The following LRRC19 variants were observed in gnomAD, a reference collection of about 807,000 sequenced individuals.
The protein encoded by LRRC19 is leucine-rich repeat-containing protein 19.
Under a neutral mutation model 33.3 loss-of-function variants are expected in LRRC19, and 33 were observed. That is an observed-to-expected ratio of 0.99 (90% CI 0.75 to 1.33). The LOEUF (loss-of-function observed/expected upper bound fraction) is 1.33. Ranked by LOEUF, LRRC19 falls within the 40% of genes most tolerant of loss-of-function variation. The pLI is 0.00. For synonymous variants in LRRC19, 184 were observed against 152.3 expected, an observed-to-expected ratio of 1.21 and a Z score of -1.53; for missense variants, 463 against 417.3, an observed-to-expected ratio of 1.11 and a Z score of -0.95.
intron 3 of LRRC19, among the ~76,000 whole-genome samples, chr9:26,996,720 A>G (rs182213680): frequency 1.2e-3 from 176 of 152,256 alleles, no homozygotes; most frequent in African/African-American, 3.9e-3. Flanking sequence ...TATTTAGTTT[A>G]TCTGTATTAG....
rs1461810423 is a variant in LRRC19, at chr9:26,993,921, T to C, written c.*1600A>G. The C allele has an allele frequency of 6.6e-6, 1 of 152,248 alleles. No homozygotes were observed. Among genetic ancestry groups the C allele is most frequent in the Admixed American group, 6.5e-5 (1 of 15,284 alleles). 9.4% of individuals were successfully genotyped at this position (152,248 alleles called of 1,614,324 possible). On this transcript the variant is annotated 3_prime_UTR_variant, in exon 5 of 5. Coordinates refer to ENST00000380055, the MANE Select transcript of LRRC19 (RefSeq NM_022901.3). ...ATTTGTAAAAGATGTAAATTCTTAA[T>C]TTCTCTGCATATGAAGGTAAAAATT...
In LRRC19 at chr9:26,996,637, G is replaced by A. The variant is rs1161132982; in HGVS notation, c.596-138C>T. Reference sequence around the variant, plus strand: ...AAGAAATTCCTGTTGTATTTGTCTAGCAACATAATGAAAGAATGATGCACA... The same window carrying A: ...AAGAAATTCCTGTTGTATTTGTCTAACAACATAATGAAAGAATGATGCACA... On this transcript the variant is annotated intron_variant, in intron 3 of 4. Transcript: ENST00000380055. 14 of 495,606 alleles carry A rather than the reference G, an allele frequency of 2.8e-5. No individual in the cohort carries two copies. In the Admixed American group the frequency reaches 5.3e-4, roughly 19 times the overall value. The allele number at this position is 495,606 out of a possible 1,614,324, so 30.7% of individuals were successfully genotyped here.
rs989566977 is a variant in LRRC19, at chr9:26,995,483, C to A, written c.*38G>T. On this transcript the variant is annotated 3_prime_UTR_variant, in exon 5 of 5. Coordinates refer to ENST00000380055, the MANE Select transcript of LRRC19 (RefSeq NM_022901.3). ...AATCTCCATATCTAAACTGAGTGAG[C>A]TGATAACTTTGCTTTAAAAAGCAAA... The A allele has an allele frequency of 8.3e-7, 1 of 1,203,536 alleles. No homozygotes were observed. Among genetic ancestry groups the A allele is most frequent in the Non-Finnish European group, 1.2e-6 (1 of 862,548 alleles). The allele number at this position is 1,203,536 out of a possible 1,614,324, so 74.6% of individuals were successfully genotyped here. A position where few individuals can be genotyped will look rare whatever the true frequency, so the allele number is the denominator to read the frequency against.
At chr9:26,997,030 G>A (rs1406159958) in intron 3 of LRRC19, among the ~76,000 whole-genome samples, 8 of 151,960 alleles carry the variant, frequency 5.3e-5, no homozygotes, top group African/African-American at 1.9e-4. Context: ...GACAAACATG[G>A]AGGAAGCCCA....
chr9:26,999,572 A>G, intron 2 of LRRC19, 42 bp downstream of exon 2: 1 of 1,404,004 alleles, frequency 7.1e-7, no homozygotes, highest in South Asian at 1.2e-5. Flanking sequence ...CAGAAAATGT[A>G]CCTTTGAAAA....
intron 4 of LRRC19, 80 bp from the exon 5 acceptor site, chr9:26,995,929 C>T (rs41272239): frequency 0.056 from 54,262 of 965,084 alleles, 1,844 homozygotes; most frequent in Middle Eastern, 0.13. Flanking sequence ...TATCCTAATT[C>T]TCCTCAATAT....
Position 26,994,571 on chromosome 9 carries a change from T to TTTCACC in LRRC19, c.*944_*949dup, listed in dbSNP as rs1828048310. 6.6e-6 allele frequency: 1 copy of TTTCACC among 152,326 alleles called. No homozygotes were observed. Among genetic ancestry groups the TTTCACC allele is most frequent in the African/African-American group, 2.4e-5 (1 of 41,384 alleles). 9.4% of individuals were successfully genotyped at this position (152,326 alleles called of 1,614,324 possible). On this transcript the variant is annotated 3_prime_UTR_variant, in exon 5 of 5. Coordinates refer to ENST00000380055, the MANE Select transcript of LRRC19 (RefSeq NM_022901.3). ...AAAAAAAAAAAGAAAAAGAATCTTG[T>TTTCACC]TTCACCTTGTTTAAACTACTAGTTT...
At chr9:27,000,610 C>T (rs1034556009) in intron 1 of LRRC19, among the ~76,000 whole-genome samples, 15 of 152,068 alleles carry the variant, frequency 9.9e-5, no homozygotes, top group African/African-American at 2.4e-4. Context: ...ATATCCAACA[C>T]GTTAAATATT....
rs1267455421 is a variant in LRRC19 at position 26,994,294 on chromosome 9, T to C, written c.*1227A>G. ...TGCTCCATGCCTGTAATCCCAGCAC[T>C]TTGGGAGGCCGAGGCGGGTAGATCA... On this transcript the variant is annotated 3_prime_UTR_variant, in exon 5 of 5. Coordinates refer to ENST00000380055, the MANE Select transcript of LRRC19 (RefSeq NM_022901.3). The C allele has an allele frequency of 6.6e-6, 1 of 152,060 alleles. No homozygotes were observed. The highest frequency in any genetic ancestry group is 2.4e-5 in the African/African-American group (1 of 41,406). 9.4% of individuals were successfully genotyped at this position (152,060 alleles called of 1,614,324 possible).
At chr9:26,999,482 C>T (rs1330594221) in intron 2 of LRRC19, 132 bp downstream of exon 2, 9 of 578,432 alleles carry the variant, frequency 1.6e-5, no homozygotes, top group African/African-American at 3.9e-5. Context: ...TTTGGATATA[C>T]AGAGCTAAAT....
chr9:27,003,052 G>A (rs183140494), intron 1 of LRRC19, among the ~76,000 whole-genome samples: 29 of 152,070 alleles, frequency 1.9e-4, no homozygotes, highest in African/African-American at 6.5e-4. Context: ...TGTAGCTATC[G>A]TAAACAGGCT....
chr9:27,001,274 C>A (rs928832783), intron 1 of LRRC19, among the ~76,000 whole-genome samples: 1 of 152,070 alleles, frequency 6.6e-6, no homozygotes, highest in South Asian at 2.1e-4. Context: ...CATGGGAGTG[C>A]AGCTATCTCT....
chr9:26,998,005 T>G lies in LRRC19; in HGVS notation c.318A>C (p.Arg106Ser). The G allele has an allele frequency of 6.2e-7, 1 of 1,613,980 alleles. No individual in the cohort carries two copies. Among genetic ancestry groups the G allele is most frequent in the Non-Finnish European group, 8.5e-7 (1 of 1,179,938 alleles). Residue 106 changes from arginine (R) to serine (S), a missense_variant, in exon 3 of 5, where the codon AGA becomes AGC. Physicochemically the swap from Arg to Ser is moderately radical, Grantham distance 110 (BLOSUM62 -1). Transcript: ENST00000380055. Reference protein sequence around the residue: ...LSSLEILNICRNSIYVIQQGA... With the variant: ...LSSLEILNICSNSIYVIQQGA... ...CCTGTTGAATTACATAGATGGAGTTTCTACAGATATTTAAAATTTCTAGAC... is the reference window on the plus strand; with the variant it reads ...CCTGTTGAATTACATAGATGGAGTTGCTACAGATATTTAAAATTTCTAGAC...
At chr9:26,999,803 G>A (rs1339796719) in intron 1 of LRRC19, 100 bp from the exon 2 acceptor site, 4 of 678,314 alleles carry the variant, frequency 5.9e-6, no homozygotes, top group East Asian at 3.0e-5. Flanking sequence ...GCTGAGACAG[G>A]GTCTCACTCT....
At position 26,994,524 on chromosome 9, in the gene LRRC19, G is replaced by A. The variant is rs1189857709; in HGVS notation, c.*997C>T. ...TGCAGTCCAGCCTGGGAGACAGTGC[G>A]AGACTTTGTCTCAAAAAAAAAAAAA... On this transcript the variant is annotated 3_prime_UTR_variant, in exon 5 of 5. Coordinates refer to ENST00000380055, the MANE Select transcript of LRRC19 (RefSeq NM_022901.3). 5 of 141,338 alleles carry A rather than the reference G, an allele frequency of 3.5e-5. No homozygotes were observed. Among genetic ancestry groups the A allele is most frequent in the African/African-American group, 8.0e-5 (3 of 37,696 alleles). The allele number at this position is 141,338 out of a possible 1,614,324, so 8.8% of individuals were successfully genotyped here. A position where few individuals can be genotyped will look rare whatever the true frequency, so the allele number is the denominator to read the frequency against.
In LRRC19 at chr9:26,998,116, T is replaced by G; in HGVS notation, c.207A>C (p.Leu69=). The G allele has an allele frequency of 6.2e-7, 1 of 1,613,090 alleles. No individual in the cohort carries two copies. The highest frequency in any genetic ancestry group is 8.5e-7 in the Non-Finnish European group (1 of 1,179,294). Residue 69 remains leucine (L), a synonymous_variant, in exon 3 of 5, where the codon CTA becomes CTC. Coordinates refer to ENST00000380055, the MANE Select transcript of LRRC19 (RefSeq NM_022901.3). The part of the protein sequence containing the change: ...ITLNGTDTRV[L]QTYFLLTELY... Reference sequence around the variant, plus strand: ...GCTCTGTGAGTAAAAAGTATGTCTGTAGAACTCTTGTGTCTGTACCATTAA... The same window carrying G: ...GCTCTGTGAGTAAAAAGTATGTCTGGAGAACTCTTGTGTCTGTACCATTAA...
chr9:26,999,495 ACT>A, intron 2 of LRRC19, 117 bp downstream of exon 2: 1 of 694,496 alleles, frequency 1.4e-6, no homozygotes, highest in Non-Finnish European at 2.3e-6. Flanking sequence ...AGCTAAATAA[ACT>A]CTTAATTTTA....
At chr9:27,003,830 A>G (rs962133817) in intron 1 of LRRC19, among the ~76,000 whole-genome samples, 1 of 152,220 alleles carries the variant, frequency 6.6e-6, no homozygotes, top group African/African-American at 2.4e-5. Flanking sequence ...CTTATTCAAG[A>G]TGATTGCCCA....
In LRRC19 at chr9:26,993,593, A is replaced by G. The variant is rs1827986092; in HGVS notation, c.*1928T>C. On this transcript the variant is annotated 3_prime_UTR_variant, in exon 5 of 5. Transcript: ENST00000380055. ...TAAAATGACTATTCTATAGATTATGACATAGATCTATTTTATTTTAGCCTC... is the reference window on the plus strand; with the variant it reads ...TAAAATGACTATTCTATAGATTATGGCATAGATCTATTTTATTTTAGCCTC... 6.6e-6 allele frequency: 1 copy of G among 152,524 alleles called. No individual in the cohort carries two copies. Among genetic ancestry groups the G allele is most frequent in the South Asian group, 2.1e-4 (1 of 4,832 alleles). 9.4% of individuals were successfully genotyped at this position (152,524 alleles called of 1,614,324 possible).
Sources: gnomAD v4.1 joint callset for allele counts (sites outside exome capture counted in the v4.1 genomes callset) on GRCh38, gnomAD v4.1.1 for gene constraint, MANE v1.5 for transcripts, NCBI Gene and HGNC (gene_info 2026-07-23, HGNC 2026-07-21) for gene names.